Variants in PPIH observed in about 807,000 individuals in gnomAD.
PPIH encodes peptidyl-prolyl cis-trans isomerase H.
PPIH carries 16 observed loss-of-function variants against 27.6 expected under a neutral mutation model. The ratio of observed to expected loss-of-function variants is 0.58; its 90% confidence interval spans 0.39 to 0.88. The LOEUF (loss-of-function observed/expected upper bound fraction) is 0.88, where lower values mean the gene tolerates loss of function less well. Ranked by LOEUF, PPIH falls within the 40% of genes least tolerant of loss-of-function variation. PPIH has a pLI of 0.00. For synonymous variants in PPIH, 63 were observed against 76.1 expected (o/e 0.83, Z 0.90); for missense variants, 155 against 224.1 (o/e 0.69, Z 1.97).
intron 5 of PPIH, among the ~76,000 whole-genome samples, chr1:42,662,391 ATTTTTTAT>A (rs1269820521): frequency 6.6e-6 from 1 of 152,090 alleles, no homozygotes; most frequent in African/African-American, 2.4e-5. Context: ...AAGAAAAGTT[ATTTTTTAT>A]TTTTTTATTT....
At chr1:42,665,569 G>A (rs1448597891) in intron 6 of PPIH, among the ~76,000 whole-genome samples, 1 of 151,760 alleles carries the variant, frequency 6.6e-6, no homozygotes, top group Non-Finnish European at 1.5e-5. Context: ...GCTGGGTGTG[G>A]TGGCTCACAC....
chr1:42,666,554 C>A lies in PPIH; in HGVS notation c.432C>A (p.Ile144=). The A allele has an allele frequency of 6.2e-7, 1 of 1,613,812 alleles. No individual in the cohort carries two copies. The change falls in exon 8 of 10, where the codon ATC becomes ATA. Residue 144 remains isoleucine, a synonymous_variant. Transcript: ENST00000304979. ...LDGKHVVFGK[I]IDGLLVMRKI... Reference sequence around the variant, plus strand: ...CTCATGCTCTTCCTACAGGAAAAATCATCGATGGACTTCTAGTGATGAGAA... The same window carrying A: ...CTCATGCTCTTCCTACAGGAAAAATAATCGATGGACTTCTAGTGATGAGAA...
intron 9 of PPIH, among the ~76,000 whole-genome samples, chr1:42,670,041 T>C (rs1649544066): frequency 6.6e-6 from 1 of 152,238 alleles, no homozygotes; most frequent in African/African-American, 2.4e-5. Flanking sequence ...CTTACAGGCA[T>C]TCAGTAAAAA....
intron 9 of PPIH, 25 bp downstream of exon 9, chr1:42,667,465 G>A: frequency 5.2e-6 from 8 of 1,529,022 alleles, no homozygotes; most frequent in Admixed American, 3.4e-5. Context: ...CTCCTATTAG[G>A]TTAGGAATCA....
chr1:42,659,255 A>G lies in PPIH; in HGVS notation c.155+4A>G, dbSNP rs1347934151. On this transcript the variant is annotated splice_donor_region_variant and intron_variant, in intron 3 of 9. Coordinates refer to ENST00000304979, the MANE Select transcript of PPIH (RefSeq NM_006347.4). Reference sequence around the variant, plus strand: ...AGTTCTGCACCGGAGAATTCAGGTCAGTTTCAGATGTGTTTGACTTCTTTG... The same window carrying G: ...AGTTCTGCACCGGAGAATTCAGGTCGGTTTCAGATGTGTTTGACTTCTTTG... 1.2e-6 allele frequency: 2 copies of G among 1,614,154 alleles called. No homozygotes were observed. The highest frequency in any genetic ancestry group is 1.7e-6 in the Non-Finnish European group (2 of 1,180,028).
chr1:42,665,022 G>C, intron 6 of PPIH, 67 bp downstream of exon 6: 3 of 1,335,756 alleles, frequency 2.2e-6, no homozygotes, highest in South Asian at 2.4e-5. Flanking sequence ...TTGAGGCCCA[G>C]TGCTGTCTCT....
intron 1 of PPIH, 146 bp from the exon 2 acceptor site, chr1:42,658,698 T>C (rs767292404): frequency 1.2e-5 from 14 of 1,150,632 alleles, no homozygotes; most frequent in African/African-American, 3.1e-5. Context: ...GCGCCCCGCT[T>C]CTGGAGGAAC....
At chr1:42,679,702 T>C (rs1193095740), downstream of PPIH, among the ~76,000 whole-genome samples, 1 of 152,240 alleles carries the variant, frequency 6.6e-6, no homozygotes, top group African/African-American at 2.4e-5. Context: ...ATTTTCTAAG[T>C]GTCTTTGTAA....
At chr1:42,659,009 C>G in intron 2 of PPIH, 101 bp downstream of exon 2, 1 of 1,382,814 alleles carries the variant, frequency 7.2e-7, no homozygotes, top group South Asian at 1.2e-5. Context: ...CCGCTCACTG[C>G]TCTTGAGACC....
intron 1 of PPIH, 71 bp downstream of exon 1, chr1:42,658,583 C>T (rs1438060608): frequency 6.0e-6 from 9 of 1,501,318 alleles, no homozygotes; most frequent in East Asian, 2.3e-5. Flanking sequence ...CAGAACTCAC[C>T]CAGAGAGAGC....
intron 6 of PPIH, among the ~76,000 whole-genome samples, 186 bp downstream of exon 6, chr1:42,665,141 C>G (rs749086996): frequency 7.2e-5 from 11 of 152,202 alleles, no homozygotes; most frequent in Non-Finnish European, 5.9e-5. Context: ...TGCTGGCTCA[C>G]GCCTGTAATC....
intron 9 of PPIH, among the ~76,000 whole-genome samples, chr1:42,668,042 T>C (rs1185043908): frequency 6.6e-6 from 1 of 152,234 alleles, no homozygotes; most frequent in Admixed American, 6.5e-5. Context: ...GATGTCTCCT[T>C]TCAGGAGCTC....
downstream of PPIH, among the ~76,000 whole-genome samples, chr1:42,680,291 T>C (rs1047352294): frequency 7.9e-5 from 12 of 152,314 alleles, no homozygotes; most frequent in African/African-American, 2.9e-4. Flanking sequence ...GTCTATTCTG[T>C]AGGGCCCTTG....
intron 5 of PPIH, 67 bp downstream of exon 5, chr1:42,660,971 T>C: frequency 1.4e-6 from 2 of 1,408,378 alleles, no homozygotes; most frequent in Non-Finnish European, 2.0e-6. Context: ...TTGCAATTGC[T>C]GTTTTTACTA....
downstream of PPIH, among the ~76,000 whole-genome samples, chr1:42,677,938 A>G (rs1436935191): frequency 2.6e-5 from 4 of 152,224 alleles, no homozygotes; most frequent in Non-Finnish European, 5.9e-5. Flanking sequence ...CCTCTTAACT[A>G]CTGGCAGCAA....
At chr1:42,681,391 G>A (rs1442852409), downstream of PPIH, 1 of 152,146 alleles carries the variant, frequency 6.6e-6, no homozygotes, top group South Asian at 2.1e-4. Flanking sequence ...CAGCTCTGGA[G>A]TATTTACCGT....
chr1:42,681,098 C>T (rs1650006039), downstream of PPIH: 1 of 152,164 alleles, frequency 6.6e-6, no homozygotes, highest in South Asian at 2.1e-4. Flanking sequence ...CATTCCTTGC[C>T]CCTCTGCAAC....
At chr1:42,679,283 G>A (rs751993691), downstream of PPIH, among the ~76,000 whole-genome samples, 110 of 152,284 alleles carry the variant, frequency 7.2e-4, no homozygotes, top group Non-Finnish European at 1.3e-3. Flanking sequence ...TCCGCCTCCC[G>A]GGTTCAAGCG....
chr1:42,672,994 C>T (rs886726036), intron 9 of PPIH, among the ~76,000 whole-genome samples: 6 of 150,776 alleles, frequency 4.0e-5, no homozygotes, highest in Admixed American at 3.3e-4. Flanking sequence ...TCAGTGAGTT[C>T]TGGGAGAGTT....
Sources: gnomAD v4.1 joint callset for allele counts (sites outside exome capture counted in the v4.1 genomes callset) on GRCh38, gnomAD v4.1.1 for gene constraint, MANE v1.5 for transcripts, NCBI Gene and HGNC (gene_info 2026-07-23, HGNC 2026-07-21) for gene names.